RNF144B: variants seen among roughly 807,000 people sequenced by gnomAD.
RNF144B encodes E3 ubiquitin-protein ligase RNF144B.
In RNF144B, 25 loss-of-function variants were observed where a neutral mutation model predicts 40.2. The observed-to-expected ratio is 0.62, with a 90% confidence interval of 0.45 to 0.87. The LOEUF (loss-of-function observed/expected upper bound fraction) is 0.87, where lower values mean the gene tolerates loss of function less well. RNF144B is among the 40% of genes least tolerant of loss of function. The probability of loss-of-function intolerance (pLI) is 0.00; values close to 1 mark genes in which losing one functional copy is unlikely to be tolerated. For synonymous variants in RNF144B, 145 were observed against 136.3 expected, an observed-to-expected ratio of 1.06 and a Z score of -0.44; for missense variants, 365 against 373.7, an observed-to-expected ratio of 0.98 and a Z score of 0.19.
At position 18,457,127 on chromosome 6, in the gene RNF144B, C is replaced by G; in HGVS notation, c.332-28C>G. The G allele has an allele frequency of 6.6e-7, 1 of 1,517,978 alleles. No homozygotes were observed. Among genetic ancestry groups the G allele is most frequent in the Non-Finnish European group, 9.1e-7 (1 of 1,093,740 alleles). 94.0% of individuals were successfully genotyped at this position (1,517,978 alleles called of 1,614,324 possible). ...AGACTCAAACATGAATCGGGCAGAC[C>G]ATCACATTTTCTTTCTTTACACTTT... On this transcript the variant is annotated intron_variant, in intron 4 of 7. Coordinates refer to ENST00000259939, the MANE Select transcript of RNF144B (RefSeq NM_182757.4). The surrounding 1 kb of genome is among the most constrained non-coding windows in gnomAD (Gnocchi z 5.1).
At chr6:18,436,758 C>T (rs1161020001) in intron 3 of RNF144B, among the ~76,000 whole-genome samples, 1 of 151,946 alleles carries the variant, frequency 6.6e-6, no homozygotes, top group Non-Finnish European at 1.5e-5. Flanking sequence ...TTACCTGCAG[C>T]CTGATTTAGT....
intron 2 of RNF144B, among the ~76,000 whole-genome samples, chr6:18,407,456 T>C (rs1352707575): frequency 6.6e-6 from 1 of 152,216 alleles, no homozygotes; most frequent in East Asian, 1.9e-4. Flanking sequence ...GATAAATTAC[T>C]TAGTACACTG....
Position 18,418,724 on chromosome 6 carries a change from C to T in RNF144B, c.166-8857C>T, listed in dbSNP as rs550039029. Among the ~76,000 whole-genome samples, 110 of 151,750 alleles carry T rather than the reference C, an allele frequency of 7.2e-4. No individual in the cohort carries two copies. Among genetic ancestry groups the T allele is most frequent in the African/African-American group, 2.6e-3 (106 of 41,360 alleles). ...TTTAGATGGGTGCATTGTATGGGTA[C>T]GTGAATTATATCTCAGTTATAGATA... On this transcript the variant is annotated intron_variant, in intron 2 of 7. Transcript: ENST00000259939. This position sits in a 1 kb window ranked among gnomAD's most constrained non-coding sequence, Gnocchi z 5.2.
chr6:18,453,140 T>A (rs1209606032), intron 4 of RNF144B, among the ~76,000 whole-genome samples: 2 of 143,958 alleles, frequency 1.4e-5, no homozygotes, highest in Admixed American at 1.4e-4. Flanking sequence ...CTGTCTGCTT[T>A]TTTTTTTTTT....
intron 2 of RNF144B, among the ~76,000 whole-genome samples, chr6:18,417,375 C>T (rs190246185): frequency 1.3e-5 from 2 of 151,934 alleles, no homozygotes; most frequent in African/African-American, 4.8e-5. Flanking sequence ...TGAGGATGGA[C>T]AGATAGATCA....
In RNF144B at chr6:18,434,442, G is replaced by A. The variant is rs536679270; in HGVS notation, c.271-5242G>A. The stretch of plus-strand genomic sequence containing the variant: ...TGATCGTGGTTAATACTGATTAACA[G>A]GTGTGCCTCACTTTTCATTTCTTCT... On this transcript the variant is annotated intron_variant, in intron 3 of 7. Coordinates refer to ENST00000259939, the MANE Select transcript of RNF144B (RefSeq NM_182757.4). This position sits in a 1 kb window ranked among gnomAD's most constrained non-coding sequence, Gnocchi z 4.1. Among the ~76,000 whole-genome samples, 2 of 152,208 alleles carry A rather than the reference G, an allele frequency of 1.3e-5. No individual in the cohort carries two copies. The highest frequency in any genetic ancestry group is 4.1e-4 in the South Asian group (2 of 4,822).
chr6:18,389,076 T>C (rs1211715840), intron 1 of RNF144B, among the ~76,000 whole-genome samples: 1 of 152,154 alleles, frequency 6.6e-6, no homozygotes, highest in African/African-American at 2.4e-5. Flanking sequence ...AAGTCGGGCT[T>C]GAGTGTGGTC....
intron 1 of RNF144B, among the ~76,000 whole-genome samples, chr6:18,389,650 G>A (rs905499606): frequency 1.3e-5 from 2 of 152,146 alleles, no homozygotes; most frequent in Non-Finnish European, 2.9e-5. Context: ...TTGAGATAGA[G>A]GTCAGGAATC....
intron 6 of RNF144B, among the ~76,000 whole-genome samples, chr6:18,462,046 A>G (rs536289428): frequency 2.0e-5 from 3 of 151,788 alleles, no homozygotes; most frequent in East Asian, 3.9e-4. Flanking sequence ...TTCAATTTCC[A>G]CTCTCCACTC....
chr6:18,390,370 A>C (rs1197772489), intron 1 of RNF144B, among the ~76,000 whole-genome samples: 1 of 152,194 alleles, frequency 6.6e-6, no homozygotes. Context: ...AGTACTTTGG[A>C]ACCTAATGCA....
chr6:18,435,929 G>A (rs917812142), intron 3 of RNF144B, among the ~76,000 whole-genome samples: 8 of 151,494 alleles, frequency 5.3e-5, no homozygotes, highest in African/African-American at 1.9e-4. Flanking sequence ...GCTAAATGAC[G>A]AGTTAATGGA....
chr6:18,453,150 T>TC (rs1759248484), intron 4 of RNF144B, among the ~76,000 whole-genome samples: 2 of 148,842 alleles, frequency 1.3e-5, no homozygotes, highest in Non-Finnish European at 1.5e-5. Flanking sequence ...TTTTTTTTTT[T>TC]TTTTTTGAGA....
At chr6:18,409,789 C>G (rs568750010) in intron 2 of RNF144B, among the ~76,000 whole-genome samples, 1 of 151,902 alleles carries the variant, frequency 6.6e-6, no homozygotes, top group African/African-American at 2.4e-5. Flanking sequence ...AAGCTGGTCT[C>G]GATGTCCTGA....
chr6:18,453,325 G>C (rs2113530540), intron 4 of RNF144B, among the ~76,000 whole-genome samples: 1 of 151,534 alleles, frequency 6.6e-6, no homozygotes, highest in Non-Finnish European at 1.5e-5. Flanking sequence ...TTTTAGTAGA[G>C]ATGGGGTTTC....
At position 18,434,576 on chromosome 6, in the gene RNF144B, T is replaced by C. The variant is rs16880722; in HGVS notation, c.271-5108T>C. On this transcript the variant is annotated intron_variant, in intron 3 of 7. Coordinates refer to ENST00000259939, the MANE Select transcript of RNF144B (RefSeq NM_182757.4). The surrounding 1 kb of genome is among the most constrained non-coding windows in gnomAD (Gnocchi z 4.1). Reference sequence around the variant, plus strand: ...TGGATATGCTCTGCTAGGGATGAAATGGAAAAGCAAAGACATTCAGCTGAG... The same window carrying C: ...TGGATATGCTCTGCTAGGGATGAAACGGAAAAGCAAAGACATTCAGCTGAG... Among the ~76,000 whole-genome samples, 4,630 of 152,226 alleles carry C rather than the reference T, an allele frequency of 0.03. 150 individuals carry two copies. Among genetic ancestry groups the C allele is most frequent in the South Asian group, 0.16 (777 of 4,810 alleles).
Position 18,460,612 on chromosome 6 carries a change from G to GCGTGCTCT in RNF144B, c.681+862_681+863insGTGCTCTC, listed in dbSNP as rs1759428668. Among the ~76,000 whole-genome samples, 1 of 152,010 alleles carries GCGTGCTCT rather than the reference G, an allele frequency of 6.6e-6. No individual in the cohort carries two copies. The highest frequency in any genetic ancestry group is 6.6e-5 in the Admixed American group (1 of 15,264). ...TCTCTTCTCTCCCTCATGCTCTCTTGCATGCTCTCACTCGCTCTCTCTCTC... is the reference window on the plus strand; with the variant it reads ...TCTCTTCTCTCCCTCATGCTCTCTTGCGTGCTCTCATGCTCTCACTCGCTCTCTCTCTC... On this transcript the variant is annotated intron_variant, in intron 6 of 7. Transcript: ENST00000259939. The surrounding 1 kb of genome is among the most constrained non-coding windows in gnomAD (Gnocchi z 4.4).
intron 2 of RNF144B, among the ~76,000 whole-genome samples, chr6:18,403,859 G>T (rs1794841184): frequency 6.6e-6 from 1 of 152,172 alleles, no homozygotes. Context: ...AAGGGAAAGT[G>T]GACATGTGAA....
At chr6:18,428,755 C>T (rs77799070) in intron 3 of RNF144B, among the ~76,000 whole-genome samples, 4,790 of 152,240 alleles carry the variant, frequency 0.031, 248 homozygotes, top group African/African-American at 0.11. Flanking sequence ...CAACAGACCT[C>T]ATGAAATTGG....
intron 4 of RNF144B, among the ~76,000 whole-genome samples, chr6:18,440,199 A>C (rs1214523408): frequency 1.3e-5 from 2 of 152,124 alleles, no homozygotes; most frequent in Non-Finnish European, 2.9e-5. Context: ...CAGAGTATGG[A>C]TATGTATCAT....
Sources: allele counts gnomAD v4.1 joint callset (sites outside exome capture counted in the v4.1 genomes callset), GRCh38; gene constraint gnomAD v4.1.1; non-coding constraint Gnocchi (gnomAD v3.1); transcripts MANE v1.5; gene names NCBI Gene and HGNC (gene_info 2026-07-23, HGNC 2026-07-21).